The following PRRC2A variants were observed in gnomAD, a reference collection of about 807,000 sequenced individuals.
PRRC2A encodes the protein proline rich coiled-coil 2A.
A neutral mutation model predicts 224.6 loss-of-function variants in PRRC2A; 59 were observed. The observed-to-expected ratio is 0.26, with a 90% CI of 0.21 to 0.33. PRRC2A has a LOEUF of 0.33. PRRC2A is among the 10% of genes least tolerant of loss of function. PRRC2A has a pLI of 1.00. For synonymous variants in PRRC2A, 1,194 were observed against 1,109.5 expected (o/e 1.08, Z -1.51); for missense variants, 3,095 against 2,880.7 (o/e 1.07, Z -1.70).
rs1293167957 is a variant in PRRC2A at position 31,634,788 on chromosome 6, G to A, written c.4971G>A (p.Gly1657=). Residue 1657 remains glycine, a synonymous_variant, in exon 21 of 31, where the codon GGG becomes GGA. Coordinates refer to ENST00000376033, the MANE Select transcript of PRRC2A (RefSeq NM_004638.4). Reference sequence around the variant, plus strand: ...CTGACAGTGGGGTGGACCTGAGTGGGGATTCTCAGGTGTCATCAGGTCCCT... The same window carrying A: ...CTGACAGTGGGGTGGACCTGAGTGGAGATTCTCAGGTGTCATCAGGTCCCT... The part of the protein sequence containing the change: ...SQSDSGVDLS[G]DSQVSSGPCS... 4.3e-6 allele frequency: 7 copies of A among 1,612,548 alleles called. No homozygotes were observed. The highest frequency in any genetic ancestry group is 3.3e-5 in the South Asian group (3 of 91,064).
rs776592321 is a variant in PRRC2A at position 31,632,445 on chromosome 6, C to T, written c.3772C>T (p.Arg1258Trp). 3.1e-6 allele frequency: 5 copies of T among 1,604,732 alleles called. No homozygotes were observed. The highest frequency in any genetic ancestry group is 3.3e-4 in the Middle Eastern group (2 of 6,024). ...AQQQDKPPRF[R>W]RLKQERENAA... ...GCAGCAGGATAAACCGCCTCGTTTCCGGAGGCTGAAGCAGGAACGGGAGAA... is the reference window on the plus strand; with the variant it reads ...GCAGCAGGATAAACCGCCTCGTTTCTGGAGGCTGAAGCAGGAACGGGAGAA... Residue 1258 changes from arginine to tryptophan, a missense_variant, in exon 16 of 31, where the codon CGG becomes TGG. This residue lies in a region of PRRC2A where 2,001 missense variants were observed against 1,764.9 expected (regional missense o/e 1.13). Coordinates refer to ENST00000376033, the MANE Select transcript of PRRC2A (RefSeq NM_004638.4).
At position 31,631,821 on chromosome 6, in the gene PRRC2A, C is replaced by G. The variant is rs1277545309; in HGVS notation, c.3148C>G (p.Arg1050Gly). The change falls in exon 16 of 31, where the codon CGA becomes GGA. Residue 1050 changes from arginine to glycine, a missense_variant. Physicochemically the swap from Arg to Gly is moderately radical, Grantham distance 125 (BLOSUM62 -2). Coordinates refer to ENST00000376033, the MANE Select transcript of PRRC2A (RefSeq NM_004638.4). The surrounding 1 kb of genome is among the most constrained non-coding windows in gnomAD (Gnocchi z 4.5). ...CTATGGGGGACGAGGGCGGGGAGCC[C>G]GAAGCCGGGAATTCCGCAGTTACCG... ...GTYGGRGRGA[R>G]SREFRSYREF... 1.9e-6 allele frequency: 3 copies of G among 1,594,608 alleles called. No homozygotes were observed. The highest frequency in any genetic ancestry group is 2.6e-6 in the Non-Finnish European group (3 of 1,168,704).
intron 3 of PRRC2A, 33 bp from the exon 4 acceptor site, chr6:31,624,228 G>T: frequency 1.3e-6 from 2 of 1,592,860 alleles, no homozygotes; most frequent in Admixed American, 1.7e-5. Context: ...AGGCATCTCA[G>T]GTGTGAATAA....
At chr6:31,623,306 T>C in intron 2 of PRRC2A, 1 of 448,520 alleles carries the variant, frequency 2.2e-6, no homozygotes, top group Non-Finnish European at 4.2e-6. Context: ...TAGCTCCTGT[T>C]GCCCAGGCTG....
chr6:31,634,741 C>T lies in PRRC2A; in HGVS notation c.4936-12C>T. ...ACCCTGACTTAACTAGCTCCTTCTC[C>T]ACTCCTCTCAGATGAGTCAGTCTGA... On this transcript the variant is annotated splice_polypyrimidine_tract_variant and intron_variant, in intron 20 of 30. Coordinates refer to ENST00000376033, the MANE Select transcript of PRRC2A (RefSeq NM_004638.4). 10 of 1,610,328 alleles carry T rather than the reference C, an allele frequency of 6.2e-6. No individual in the cohort carries two copies. Among genetic ancestry groups the T allele is most frequent in the Non-Finnish European group, 8.5e-6 (10 of 1,178,546 alleles).
rs1467652251 is a variant in PRRC2A, at chr6:31,632,499, T to G, written c.3826T>G (p.Ser1276Ala). ...NAARGSEGKP[S>A]LTLPASAPGP... ...CGCAAGGGGGTCTGAGGGCAAGCCCTCCCTAACCCTTCCAGCCTCCGCTCC... is the reference window on the plus strand; with the variant it reads ...CGCAAGGGGGTCTGAGGGCAAGCCCGCCCTAACCCTTCCAGCCTCCGCTCC... The change falls in exon 16 of 31, where the codon TCC (serine) becomes GCC (alanine). Residue 1276 changes from serine (S) to alanine (A), a missense_variant. By Grantham distance (99) the Ser-to-Ala change is moderately conservative (BLOSUM62 1). This residue lies in a region of PRRC2A where 2,001 missense variants were observed against 1,764.9 expected (regional missense o/e 1.13). Coordinates refer to ENST00000376033, the MANE Select transcript of PRRC2A (RefSeq NM_004638.4). The G allele has an allele frequency of 4.4e-6, 7 of 1,608,156 alleles. No individual in the cohort carries two copies.
rs1268857060 is a variant in PRRC2A at position 31,631,437 on chromosome 6, A to G, written c.2764A>G (p.Thr922Ala). 6 of 1,610,190 alleles carry G rather than the reference A, an allele frequency of 3.7e-6. No homozygotes were observed. Among genetic ancestry groups the G allele is most frequent in the East Asian group, 2.2e-5 (1 of 44,734 alleles). The change falls in exon 16 of 31, where the codon ACA becomes GCA. Residue 922 changes from threonine to alanine, a missense_variant. Coordinates refer to ENST00000376033, the MANE Select transcript of PRRC2A (RefSeq NM_004638.4). The surrounding 1 kb of genome is among the most constrained non-coding windows in gnomAD (Gnocchi z 4.5). Reference protein sequence around the residue: ...GPPPPRRESRTETRWGPRPGS... With the variant: ...GPPPPRRESRAETRWGPRPGS... ...CCCACCACCACGCAGAGAGAGTCGC[A>G]CAGAGACCCGCTGGGGCCCTCGTCC... is the stretch of plus-strand genomic sequence containing the variant.
At chr6:31,623,081 C>T (rs993922495) in intron 2 of PRRC2A, 180 bp downstream of exon 2, 2 of 764,620 alleles carry the variant, frequency 2.6e-6, no homozygotes, top group African/African-American at 3.4e-5. Flanking sequence ...ACCAGTTATC[C>T]TCCTACAAAG....
Position 31,628,161 on chromosome 6 carries a change from G to T in PRRC2A, c.1687G>T (p.Val563Leu). ...PPAQSTPTPG[V>L]AAAPTLVSGG... ...TGCCCAATCTACTCCTACTCCAGGT[G>T]TGGCTGCGGCTCCCACTCTGGTGAG... Residue 563 changes from valine (V) to leucine (L), a missense_variant, in exon 12 of 31, where the codon GTG (valine) becomes TTG (leucine). Physicochemically the swap from Val to Leu is conservative, Grantham distance 32 (BLOSUM62 1). Coordinates refer to ENST00000376033, the MANE Select transcript of PRRC2A (RefSeq NM_004638.4). 1 of 1,613,118 alleles carries T rather than the reference G, an allele frequency of 6.2e-7. No individual in the cohort carries two copies.
chr6:31,625,549 G>A lies in PRRC2A; in HGVS notation c.697G>A (p.Gly233Ser). 2 of 1,574,570 alleles carry A rather than the reference G, an allele frequency of 1.3e-6. No homozygotes were observed. The highest frequency in any genetic ancestry group is 8.6e-7 in the Non-Finnish European group (1 of 1,157,312). Residue 233 changes from glycine to serine, a missense_variant, in exon 7 of 31, where the codon GGT (glycine) becomes AGT (serine). Around this residue, in one of 8 missense-constraint regions of PRRC2A, gnomAD observed 287 missense variants for 275.3 expected, o/e 1.04. Coordinates refer to ENST00000376033, the MANE Select transcript of PRRC2A (RefSeq NM_004638.4). This position sits in a 1 kb window ranked among gnomAD's most constrained non-coding sequence, Gnocchi z 4.1. ...SKLHHGHDPR[G>S]GLQPSGPPQF... The stretch of plus-strand genomic sequence containing the variant: ...ACTTCATCATGGTCATGATCCCCGG[G>A]GTGGGCTACAGCCTTCAGGCCCACC...
At chr6:31,630,881 T>C (rs1212229179) in intron 15 of PRRC2A, 80 bp downstream of exon 15, 2 of 1,503,220 alleles carry the variant, frequency 1.3e-6, no homozygotes, top group Non-Finnish European at 1.8e-6. Context: ...GGGTTAGTGG[T>C]AGGGATAGGG....
Position 31,637,276 on chromosome 6 carries a change from C to T in PRRC2A, c.6285C>T (p.Ser2095=). The T allele has an allele frequency of 1.2e-6, 2 of 1,612,696 alleles. No individual in the cohort carries two copies. Among genetic ancestry groups the T allele is most frequent in the South Asian group, 1.1e-5 (1 of 91,076 alleles). ...ATTCCCGTCTCAAGGCCACGCCTTC[C>T]ACCTACAGTGGAGTCTTCCGCACCC... ...GLNSRLKATP[S]TYSGVFRTQR... is the part of the protein sequence containing the mutation. The change falls in exon 30 of 31, where the codon TCC becomes TCT. Residue 2095 remains serine, a synonymous_variant. Transcript: ENST00000376033.
At position 31,623,774 on chromosome 6, in the gene PRRC2A, T is replaced by C; in HGVS notation, c.155T>C (p.Ile52Thr). ...HGLQSLGKVA[I>T]ARRMPPPANL... is the part of the protein sequence containing the mutation. ...CTGCAGAGTCTCGGGAAAGTTGCCATTGCCCGGCGTATGCCACCTCCAGCC... is the reference window on the plus strand; with the variant it reads ...CTGCAGAGTCTCGGGAAAGTTGCCACTGCCCGGCGTATGCCACCTCCAGCC... Residue 52 changes from isoleucine (I) to threonine (T), a missense_variant, in exon 3 of 31, where the codon ATT becomes ACT. Around this residue, in one of 8 missense-constraint regions of PRRC2A, gnomAD observed 64 missense variants for 68.2 expected, o/e 0.94. Coordinates refer to ENST00000376033, the MANE Select transcript of PRRC2A (RefSeq NM_004638.4). 1 of 1,614,210 alleles carries C rather than the reference T, an allele frequency of 6.2e-7. No individual in the cohort carries two copies. Among genetic ancestry groups the C allele is most frequent in the African/African-American group, 1.3e-5 (1 of 75,052 alleles).
intron 22 of PRRC2A, 48 bp downstream of exon 22, chr6:31,635,320 G>A (rs1174110123): frequency 6.2e-7 from 1 of 1,613,784 alleles, no homozygotes; most frequent in Non-Finnish European, 8.5e-7. Context: ...GGAGAGAAGG[G>A]AAGGACTAAA....
chr6:31,631,827 C>T lies in PRRC2A; in HGVS notation c.3154C>T (p.Arg1052Trp), dbSNP rs753181692. 6.9e-6 allele frequency: 11 copies of T among 1,596,470 alleles called. No homozygotes were observed. Among genetic ancestry groups the T allele is most frequent in the African/African-American group, 4.0e-5 (3 of 74,526 alleles). Residue 1052 changes from arginine (R) to tryptophan (W), a missense_variant, in exon 16 of 31, where the codon CGG becomes TGG. Coordinates refer to ENST00000376033, the MANE Select transcript of PRRC2A (RefSeq NM_004638.4). The surrounding 1 kb of genome is among the most constrained non-coding windows in gnomAD (Gnocchi z 4.5). The part of the protein sequence containing the change: ...YGGRGRGARS[R>W]EFRSYREFRG... ...GGGACGAGGGCGGGGAGCCCGAAGCCGGGAATTCCGCAGTTACCGAGAGTT... is the reference window on the plus strand; with the variant it reads ...GGGACGAGGGCGGGGAGCCCGAAGCTGGGAATTCCGCAGTTACCGAGAGTT...
At chr6:31,635,514 G>A in intron 23 of PRRC2A, 49 bp downstream of exon 23, 1 of 1,612,034 alleles carries the variant, frequency 6.2e-7, no homozygotes, top group Non-Finnish European at 8.5e-7. Context: ...TTCTGGGGAA[G>A]ATTGCTGGGA....
In PRRC2A at chr6:31,628,133, T is replaced by A. The variant is rs1409616882; in HGVS notation, c.1659T>A (p.Pro553=). 1.2e-6 allele frequency: 2 copies of A among 1,613,124 alleles called. No homozygotes were observed. Among genetic ancestry groups the A allele is most frequent in the Non-Finnish European group, 1.7e-6 (2 of 1,180,020 alleles). The part of the protein sequence containing the change: ...ETEPEEPAQA[P]PAQSTPTPGV... ...AACCTGAAGAGCCAGCACAGGCCCC[T>A]CCTGCCCAATCTACTCCTACTCCAG... Residue 553 remains proline (P), a synonymous_variant, in exon 12 of 31, where the codon CCT becomes CCA. Coordinates refer to ENST00000376033, the MANE Select transcript of PRRC2A (RefSeq NM_004638.4).
Position 31,629,778 on chromosome 6 carries a change from T to A in PRRC2A, c.2187T>A (p.Tyr729Ter). The change falls in exon 14 of 31, where the codon TAT becomes TAA. Residue 729 changes from tyrosine (Y) to a stop codon, truncating the protein, a stop_gained. Transcript: ENST00000376033. LOFTEE classifies it high-confidence loss of function. Reference protein sequence around the residue: ...FDPRWMMIPPYVDPRLLQGRP... With the variant: ...FDPRWMMIPP Reference sequence around the variant, plus strand: ...CCCGATGGATGATGATTCCTCCTTATGTGGACCCCCGGCTCCTCCAGGGTC... The same window carrying A: ...CCCGATGGATGATGATTCCTCCTTAAGTGGACCCCCGGCTCCTCCAGGGTC... 1 of 1,613,826 alleles carries A rather than the reference T, an allele frequency of 6.2e-7. No homozygotes were observed. Among genetic ancestry groups the A allele is most frequent in the Non-Finnish European group, 8.5e-7 (1 of 1,179,860 alleles).
chr6:31,622,525 G>A (rs1053084054), intron 1 of PRRC2A, among the ~76,000 whole-genome samples, 165 bp from the exon 2 acceptor site: 9 of 152,192 alleles, frequency 5.9e-5, no homozygotes, highest in Non-Finnish European at 1.3e-4. Flanking sequence ...TGGGGGAAAG[G>A]AGGGAACATG....
Sources: allele counts gnomAD v4.1 joint callset (sites outside exome capture counted in the v4.1 genomes callset), GRCh38; gene constraint gnomAD v4.1.1; regional missense constraint gnomAD v4.1.1; non-coding constraint Gnocchi (gnomAD v3.1); transcripts MANE v1.5; gene names NCBI Gene and HGNC (gene_info 2026-07-23, HGNC 2026-07-21).